The following PIAS4 variants were observed in gnomAD, a reference collection of about 807,000 sequenced individuals.
PIAS4 encodes the protein E3 SUMO-protein ligase PIAS4.
A neutral mutation model predicts 58.0 loss-of-function variants in PIAS4; 7 were observed. The observed-to-expected ratio is 0.12, with a 90% CI of 0.07 to 0.23. The LOEUF (loss-of-function observed/expected upper bound fraction) is 0.23, where lower values mean the gene tolerates loss of function less well. Ranked by LOEUF, PIAS4 falls within the 10% of genes least tolerant of loss-of-function variation. PIAS4 has a pLI of 1.00. For synonymous variants in PIAS4, 364 were observed against 312.4 expected (o/e 1.17, Z -1.74); for missense variants, 550 against 709.5 (o/e 0.78, Z 2.55).
intron 1 of PIAS4, 88 bp downstream of exon 1, chr19:4,007,875 G>C (rs2039958026): frequency 9.5e-7 from 1 of 1,050,068 alleles, no homozygotes; most frequent in South Asian, 4.7e-5. Context: ...CTTCTGTCCG[G>C]GGCCCCACAG....
Position 4,033,489 on chromosome 19 carries a change from G to A in PIAS4, c.1051G>A (p.Val351Ile), listed in dbSNP as rs573290406. The change falls in exon 9 of 11, where the codon GTC becomes ATC. Residue 351 changes from valine to isoleucine, a missense_variant. Coordinates refer to ENST00000262971, the MANE Select transcript of PIAS4 (RefSeq NM_015897.4). ...TCAHLQCFDA[V>I]FYLQMNEKKP... ...TGCCCACCTGCAGTGCTTCGACGCC[G>A]TCTTCTACCTGCAGATGAACGAGAA... The A allele has an allele frequency of 6.7e-5, 106 of 1,589,178 alleles. 1 individual carries two copies. The highest frequency in any genetic ancestry group is 5.0e-4 in the South Asian group (44 of 87,212).
At position 4,038,455 on chromosome 19, in the gene PIAS4, TG is replaced by T. The variant is rs2040327678; in HGVS notation, c.*586del. 3.0e-4 allele frequency: 4 copies of T among 13,126 alleles called. No homozygotes were observed. The highest frequency in any genetic ancestry group is 1.8e-3 in the Admixed American group (2 of 1,132). The allele number at this position is 13,126 out of a possible 1,614,324, so 0.8% of individuals were successfully genotyped here. On this transcript the variant is annotated 3_prime_UTR_variant, in exon 11 of 11. Coordinates refer to ENST00000262971, the MANE Select transcript of PIAS4 (RefSeq NM_015897.4). The surrounding 1 kb of genome is among the most constrained non-coding windows in gnomAD (Gnocchi z 4.1). ...GTTGGGGCGGGGAGGGGCAGTAGGG[TG>T]GGGGGATGGGTGGGCAGGATGGGGG...
chr19:4,008,411 G>A (rs773829053), intron 1 of PIAS4, among the ~76,000 whole-genome samples: 1 of 151,984 alleles, frequency 6.6e-6, no homozygotes, highest in Admixed American at 6.5e-5. Flanking sequence ...TGGAGTTCAG[G>A]CTCGGTCTTG....
chr19:4,013,282 A>G lies in PIAS4; in HGVS notation c.387A>G (p.Pro129=), dbSNP rs1207507595. The G allele has an allele frequency of 5.6e-6, 9 of 1,613,184 alleles. No homozygotes were observed. Among genetic ancestry groups the G allele is most frequent in the Non-Finnish European group, 3.4e-6 (4 of 1,180,016 alleles). ...GGTTGCCCGCCAAGACCCTCAAGCC[A>G]GAAGTCCGCCTGGTGAAGCTGCCGT... The part of the protein sequence containing the change: ...LGRLPAKTLK[P]EVRLVKLPFF... The change falls in exon 2 of 11, where the codon CCA becomes CCG. Residue 129 remains proline (P), a synonymous_variant. Coordinates refer to ENST00000262971, the MANE Select transcript of PIAS4 (RefSeq NM_015897.4). The surrounding 1 kb of genome is among the most constrained non-coding windows in gnomAD (Gnocchi z 5.1).
chr19:4,023,971 A>G (rs1358841272), intron 2 of PIAS4, 65 bp from the exon 3 acceptor site: 2 of 1,112,120 alleles, frequency 1.8e-6, no homozygotes, highest in Non-Finnish European at 1.4e-6. Context: ...AGGCTGGGAA[A>G]AGCGACTGGG....
intron 2 of PIAS4, among the ~76,000 whole-genome samples, chr19:4,018,894 C>G (rs1171846051): frequency 6.6e-6 from 1 of 152,038 alleles, no homozygotes; most frequent in Non-Finnish European, 1.5e-5. Flanking sequence ...TGCGGAGGCC[C>G]TGATGCAGCA....
At chr19:4,029,102 G>A in intron 7 of PIAS4, 66 bp downstream of exon 7, 1 of 1,164,864 alleles carries the variant, frequency 8.6e-7, no homozygotes, top group Non-Finnish European at 1.2e-6. Flanking sequence ...CCCTGTGCTG[G>A]GTGAAGCGGG....
At chr19:4,026,426 C>G (rs531534749) in intron 3 of PIAS4, among the ~76,000 whole-genome samples, 23 of 151,726 alleles carry the variant, frequency 1.5e-4, no homozygotes, top group African/African-American at 5.6e-4. Flanking sequence ...GCCACCCTGC[C>G]CATCCCACAT....
chr19:4,017,153 T>A (rs1473021246), intron 2 of PIAS4, among the ~76,000 whole-genome samples: 1 of 152,096 alleles, frequency 6.6e-6, no homozygotes, highest in Non-Finnish European at 1.5e-5. Context: ...CCCATACCTG[T>A]GGTTGGGGAA....
chr19:4,027,387 G>A lies in PIAS4; in HGVS notation c.540-759G>A, dbSNP rs561664249. ...CCTGGCTCCTTTCCATGGCTGGGTC[G>A]CGTCCCGTGCGTGTTGGTCCTTCGG... On this transcript the variant is annotated intron_variant, in intron 3 of 10. Transcript: ENST00000262971. Among the ~76,000 whole-genome samples the A allele has an allele frequency of 1.6e-4, 24 of 152,280 alleles. No homozygotes were observed. The South Asian group carries it at 4.1e-3, about 26-fold the overall frequency.
chr19:4,008,274 G>A (rs1410198800), intron 1 of PIAS4, among the ~76,000 whole-genome samples: 1 of 152,130 alleles, frequency 6.6e-6, no homozygotes, highest in Non-Finnish European at 1.5e-5. Flanking sequence ...CAACAGGCCA[G>A]GCTGGGGTTT....
At chr19:4,029,146 C>A in intron 7 of PIAS4, 110 bp downstream of exon 7, 1 of 751,542 alleles carries the variant, frequency 1.3e-6, no homozygotes, top group Non-Finnish European at 2.2e-6. Flanking sequence ...GATCAGGGGC[C>A]GCCTGTCACT....
chr19:4,037,599 G>GTCCCTGTTGCACCCTC lies in PIAS4; in HGVS notation c.1274-7_1274-6insACCCTCTCCCTGTTGC. ...GTTGCATCCTAAGTACCTGCACCCT[G>GTCCCTGTTGCACCCTC]TCCCTGTTGCCCGTAGGCCCCTCGG... On this transcript the variant is annotated splice_polypyrimidine_tract_variant and intron_variant, in intron 10 of 10. Coordinates refer to ENST00000262971, the MANE Select transcript of PIAS4 (RefSeq NM_015897.4). The surrounding 1 kb of genome is among the most constrained non-coding windows in gnomAD (Gnocchi z 5.8). 1 of 1,608,670 alleles carries GTCCCTGTTGCACCCTC rather than the reference G, an allele frequency of 6.2e-7. No homozygotes were observed. The highest frequency in any genetic ancestry group is 8.5e-7 in the Non-Finnish European group (1 of 1,179,780).
rs756273866 is a variant in PIAS4 at position 4,037,732 on chromosome 19, G to T, written c.1390G>T (p.Asp464Tyr). Residue 464 changes from aspartate to tyrosine, a missense_variant, in exon 11 of 11, where the codon GAT (aspartate) becomes TAT (tyrosine). Transcript: ENST00000262971. The surrounding 1 kb of genome is among the most constrained non-coding windows in gnomAD (Gnocchi z 5.8). ...CATGGAGAATGGGAAGCCGGGCGCC[G>T]ATGTGGTGGACCTCACGCTGGACAG... ...GSMENGKPGA[D>Y]VVDLTLDSSS... is the part of the protein sequence containing the mutation. The T allele has an allele frequency of 1.2e-6, 2 of 1,610,942 alleles. No homozygotes were observed. Among genetic ancestry groups the T allele is most frequent in the Non-Finnish European group, 1.7e-6 (2 of 1,179,148 alleles).
intron 2 of PIAS4, among the ~76,000 whole-genome samples, chr19:4,023,229 A>G (rs2040128521): frequency 6.6e-6 from 1 of 150,496 alleles, no homozygotes; most frequent in Admixed American, 6.6e-5. Flanking sequence ...CTGTAATCCC[A>G]GCATTTTGAG....
At chr19:4,032,684 A>G (rs755752) in intron 7 of PIAS4, among the ~76,000 whole-genome samples, 95,197 of 152,090 alleles carry the variant, frequency 0.63, 33,663 homozygotes, top group East Asian at 0.94. Context: ...AGGAAGCCCC[A>G]GGATCCGTCT....
chr19:4,033,230 T>G (rs2040239917), intron 8 of PIAS4, 57 bp downstream of exon 8: 1 of 1,532,718 alleles, frequency 6.5e-7, no homozygotes, highest in Non-Finnish European at 8.9e-7. Context: ...CCTTCCCCCC[T>G]GGCGGCCCTG....
intron 7 of PIAS4, among the ~76,000 whole-genome samples, chr19:4,029,455 C>T (rs1029427718): frequency 6.6e-5 from 10 of 152,278 alleles, no homozygotes; most frequent in Middle Eastern, 3.4e-3. Flanking sequence ...GGGTCACGGA[C>T]GGCCAGGGTC....
At chr19:4,012,824 G>A in intron 1 of PIAS4, 99 bp from the exon 2 acceptor site, 1 of 1,318,572 alleles carries the variant, frequency 7.6e-7, no homozygotes, top group Non-Finnish European at 1.0e-6. Flanking sequence ...CCTGGCGAGT[G>A]GGTGTCTTTC....
Sources: gnomAD v4.1 joint callset for allele counts (sites outside exome capture counted in the v4.1 genomes callset) on GRCh38, gnomAD v4.1.1 for gene constraint, Gnocchi (gnomAD v3.1) non-coding constraint, MANE v1.5 for transcripts, NCBI Gene and HGNC (gene_info 2026-07-23, HGNC 2026-07-21) for gene names.